Variants in ITGA4 observed in about 807,000 individuals in gnomAD.
The protein encoded by ITGA4 is integrin subunit alpha 4.
A neutral mutation model predicts 133.6 loss-of-function variants in ITGA4; 63 were observed. The observed-to-expected ratio is 0.47, with a 90% CI of 0.38 to 0.58. The LOEUF (loss-of-function observed/expected upper bound fraction) is 0.58, where lower values mean the gene tolerates loss of function less well. Among genes scored for constraint, ITGA4 ranks in the 20% least tolerant of loss-of-function variants. The pLI is 0.00. For synonymous variants in ITGA4, 483 were observed against 438.0 expected (o/e 1.10, Z -1.28); for missense variants, 1,076 against 1,252.7 (o/e 0.86, Z 2.13).
In ITGA4 at chr2:181,534,272, G is replaced by A; in HGVS notation, c.2785G>A (p.Asp929Asn). 6.3e-7 allele frequency: 1 copy of A among 1,580,970 alleles called. No homozygotes were observed. Among genetic ancestry groups the A allele is most frequent in the Non-Finnish European group, 8.7e-7 (1 of 1,150,296 alleles). The change falls in exon 26 of 28, where the codon GAT becomes AAT. Residue 929 changes from aspartate (D) to asparagine (N), a missense_variant and splice_region_variant. By Grantham distance (23) the Asp-to-Asn change is conservative (BLOSUM62 1). Coordinates refer to ENST00000397033, the MANE Select transcript of ITGA4 (RefSeq NM_000885.6). ...TGGTGATCCTTCTTTTATTAAACAG[G>A]ATGAGACTTCAGCACTCAAGTTTGA... The part of the protein sequence containing the change: ...LEGRPSILEM[D>N]ETSALKFEIR...
chr2:181,491,784 C>T (rs900441105), intron 10 of ITGA4, among the ~76,000 whole-genome samples: 1 of 152,168 alleles, frequency 6.6e-6, no homozygotes, highest in Admixed American at 6.5e-5. Flanking sequence ...CTCTTCCTTA[C>T]CATTCCTGCT....
chr2:181,507,264 C>A (rs1363517329), intron 15 of ITGA4, among the ~76,000 whole-genome samples: 1 of 152,052 alleles, frequency 6.6e-6, no homozygotes, highest in African/African-American at 2.4e-5. Flanking sequence ...TCTCTCATAT[C>A]CTGAGATCAT....
rs747033272 is a variant in ITGA4, at chr2:181,458,274, G to A, written c.276G>A (p.Arg92=). Residue 92 remains arginine, a synonymous_variant, in exon 2 of 28, where the codon AGG becomes AGA. Coordinates refer to ENST00000397033, the MANE Select transcript of ITGA4 (RefSeq NM_000885.6). ...ATCCCGGGGCGATTTACAGATGCAG[G>A]ATCGGAAAGAATCCCGGCCAGACGT... The part of the protein sequence containing the change: ...VINPGAIYRC[R]IGKNPGQTCE... 4 of 1,612,992 alleles carry A rather than the reference G, an allele frequency of 2.5e-6. No individual in the cohort carries two copies. The highest frequency in any genetic ancestry group is 3.3e-5 in the Admixed American group (2 of 59,882).
At position 181,523,278 on chromosome 2, in the gene ITGA4, CAT is replaced by C. The variant is rs1420675725; in HGVS notation, c.2074-156_2074-155del. ...TACACACATGCACACATATTTATATCATATGTCTATTTATCTCAAACATATAA... is the reference window on the plus strand; with the variant it reads ...TACACACATGCACACATATTTATATCATGTCTATTTATCTCAAACATATAA... On this transcript the variant is annotated intron_variant, in intron 18 of 27. Coordinates refer to ENST00000397033, the MANE Select transcript of ITGA4 (RefSeq NM_000885.6). The surrounding 1 kb of genome is among the most constrained non-coding windows in gnomAD (Gnocchi z 4.2). 5.5e-6 allele frequency: 3 copies of C among 548,370 alleles called. No homozygotes were observed. Among genetic ancestry groups the C allele is most frequent in the East Asian group, 3.1e-5 (1 of 32,214 alleles). The allele number at this position is 548,370 out of a possible 1,614,324, so 34.0% of individuals were successfully genotyped here. A position where few individuals can be genotyped will look rare whatever the true frequency, so the allele number is the denominator to read the frequency against.
intron 15 of ITGA4, chr2:181,499,063 T>C (rs1686216010): frequency 5.7e-6 from 1 of 176,086 alleles, no homozygotes; most frequent in Non-Finnish European, 1.1e-5. Context: ...CCTCTTTATC[T>C]ACTTGCCTAG....
At position 181,498,752 on chromosome 2, in the gene ITGA4, G is replaced by T; in HGVS notation, c.1670G>T (p.Cys557Phe). 1 of 1,608,622 alleles carries T rather than the reference G, an allele frequency of 6.2e-7. No individual in the cohort carries two copies. The highest frequency in any genetic ancestry group is 8.5e-7 in the Non-Finnish European group (1 of 1,177,510). ...SIQVSSREAN[C>F]RTHQAFMRKD... is the part of the protein sequence containing the mutation. The stretch of plus-strand genomic sequence containing the variant: ...CAGGTGTCCAGCAGAGAAGCTAACT[G>T]TAGAACACATCAAGCATTTATGCGG... Residue 557 changes from cysteine to phenylalanine, a missense_variant, in exon 15 of 28, where the codon TGT becomes TTT. By Grantham distance (205) the Cys-to-Phe change is radical (BLOSUM62 -2). This residue lies in a region of ITGA4 where 365 missense variants were observed against 421.4 expected (regional missense o/e 0.87). Transcript: ENST00000397033.
rs760373047 is a variant in ITGA4, at chr2:181,534,862, C to T, written c.2930C>T (p.Thr977Ile). 1 of 1,601,286 alleles carries T rather than the reference C, an allele frequency of 6.2e-7. No individual in the cohort carries two copies. Among genetic ancestry groups the T allele is most frequent in the South Asian group, 1.1e-5 (1 of 87,810 alleles). The change falls in exon 27 of 28, where the codon ACC (threonine) becomes ATC (isoleucine). Residue 977 changes from threonine to isoleucine, a missense_variant. Thr to Ile is a moderately conservative substitution (Grantham distance 89). This residue lies in a region of ITGA4 where 193 missense variants were observed against 172.3 expected (regional missense o/e 1.12). Coordinates refer to ENST00000397033, the MANE Select transcript of ITGA4 (RefSeq NM_000885.6). ...LHHQRPKRYFTIVIISSSLLL... is the reference protein window; with the variant it reads ...LHHQRPKRYFIIVIISSSLLL... ...CATCAAAGACCCAAACGTTATTTCA[C>T]CATAGTGATTATTTCAAGTAGCTTG...
chr2:181,484,989 A>G (rs188673438), intron 9 of ITGA4, among the ~76,000 whole-genome samples: 2 of 152,228 alleles, frequency 1.3e-5, no homozygotes, highest in African/African-American at 4.8e-5. Context: ...GACATGATCA[A>G]AGTTTCAGAA....
intron 17 of ITGA4, among the ~76,000 whole-genome samples, chr2:181,519,704 G>T (rs986001733): frequency 6.6e-6 from 1 of 152,116 alleles, no homozygotes; most frequent in Non-Finnish European, 1.5e-5. Flanking sequence ...ACATTAGGTT[G>T]TCTGGATGGG....
upstream of ITGA4, chr2:181,457,382 C>T (rs199507847): frequency 5.6e-5 from 23 of 409,374 alleles, no homozygotes; most frequent in Non-Finnish European, 8.4e-5. Flanking sequence ...GGCCCGTACC[C>T]GGAGAAGCAG....
chr2:181,484,126 G>A (rs1685863069), intron 9 of ITGA4, among the ~76,000 whole-genome samples: 1 of 152,160 alleles, frequency 6.6e-6, no homozygotes, highest in Non-Finnish European at 1.5e-5. Flanking sequence ...ACATTGATTT[G>A]ATTTGGTATT....
intron 10 of ITGA4, among the ~76,000 whole-genome samples, chr2:181,491,130 T>C (rs4667309): frequency 0.61 from 92,538 of 152,092 alleles, 28,540 homozygotes; most frequent in South Asian, 0.86. Context: ...AAGTGTCCTC[T>C]GTATGGAAAA....
At position 181,535,595 on chromosome 2, in the gene ITGA4, G is replaced by GTTTACAAGAAAAAATGAAT; in HGVS notation, c.*72_*90dup. On this transcript the variant is annotated 3_prime_UTR_variant, in exon 28 of 28. Coordinates refer to ENST00000397033, the MANE Select transcript of ITGA4 (RefSeq NM_000885.6). ...GTAGTAAAGAAATTTAAAAGACACT[G>GTTTACAAGAAAAAATGAAT]TTTACAAGAAAAAATGAATTTTGTT... 6.6e-7 allele frequency: 1 copy of GTTTACAAGAAAAAATGAAT among 1,504,518 alleles called. No homozygotes were observed. The highest frequency in any genetic ancestry group is 8.9e-7 in the Non-Finnish European group (1 of 1,127,354). The allele number at this position is 1,504,518 out of a possible 1,614,324, so 93.2% of individuals were successfully genotyped here.
intron 17 of ITGA4, among the ~76,000 whole-genome samples, chr2:181,511,989 G>T (rs1382214778): frequency 1.3e-5 from 2 of 151,998 alleles, no homozygotes; most frequent in Non-Finnish European, 2.9e-5. Flanking sequence ...ATTTAAAAAG[G>T]AATAAACTAT....
Position 181,537,928 on chromosome 2 carries a change from T to A in ITGA4, c.*2401T>A, listed in dbSNP as rs1301443519. ...TCCCCCTGTCAGATCAGCAGCAGCA[T>A]TAGATTCTCATAGAAGTGCGAACCA... is the stretch of plus-strand genomic sequence containing the variant. On this transcript the variant is annotated 3_prime_UTR_variant, in exon 28 of 28. Coordinates refer to ENST00000397033, the MANE Select transcript of ITGA4 (RefSeq NM_000885.6). The A allele has an allele frequency of 1.7e-6, 1 of 596,856 alleles. No individual in the cohort carries two copies. Among genetic ancestry groups the A allele is most frequent in the Non-Finnish European group, 3.2e-6 (1 of 316,974 alleles). The allele number at this position is 596,856 out of a possible 1,614,324, so 37.0% of individuals were successfully genotyped here.
intron 24 of ITGA4, among the ~76,000 whole-genome samples, chr2:181,530,986 G>A (rs1232617350): frequency 3.3e-5 from 5 of 151,944 alleles, no homozygotes; most frequent in Non-Finnish European, 5.9e-5. Flanking sequence ...AATTAGACAG[G>A]TGCCTGTAAT....
chr2:181,502,311 A>G (rs1686292586), intron 15 of ITGA4, among the ~76,000 whole-genome samples: 1 of 152,086 alleles, frequency 6.6e-6, no homozygotes, highest in Non-Finnish European at 1.5e-5. Flanking sequence ...TGACCAAAGA[A>G]ATGGAGCTGG....
At position 181,534,840 on chromosome 2, in the gene ITGA4, C is replaced by A; in HGVS notation, c.2908C>A (p.Gln970Lys). 1.3e-6 allele frequency: 2 copies of A among 1,597,310 alleles called. No individual in the cohort carries two copies. Among genetic ancestry groups the A allele is most frequent in the Non-Finnish European group, 1.7e-6 (2 of 1,174,946 alleles). Residue 970 changes from glutamine (Q) to lysine (K), a missense_variant, in exon 27 of 28, where the codon CAA (glutamine) becomes AAA (lysine). Around this residue, in one of 4 missense-constraint regions of ITGA4, gnomAD observed 193 missense variants for 172.3 expected, o/e 1.12. Transcript: ENST00000397033. ...AHVLLEGLHH[Q>K]RPKRYFTIVI... ...GGTTCTACTGGAAGGACTACATCAT[C>A]AAAGACCCAAACGTTATTTCACCAT... is the stretch of plus-strand genomic sequence containing the variant.
intron 2 of ITGA4, among the ~76,000 whole-genome samples, chr2:181,470,040 T>G (rs763145479): frequency 1.3e-4 from 19 of 151,958 alleles, no homozygotes; most frequent in Non-Finnish European, 8.8e-5. Flanking sequence ...GTTGTGCACA[T>G]GTACCCTGGA....
Sources: allele counts gnomAD v4.1 joint callset (sites outside exome capture counted in the v4.1 genomes callset), GRCh38; gene constraint gnomAD v4.1.1; regional missense constraint gnomAD v4.1.1; non-coding constraint Gnocchi (gnomAD v3.1); transcripts MANE v1.5; gene names NCBI Gene and HGNC (gene_info 2026-07-23, HGNC 2026-07-21).